Variants in CPAP observed in about 807,000 individuals in gnomAD.
CPAP encodes the protein centrosome assembly and centriole elongation protein.
At chr13:24,898,390 T>C in the CPAP span, among the ~76,000 whole-genome samples, 2 of 152,130 alleles carry the variant, frequency 1.3e-5, no homozygotes, top group African/African-American at 4.8e-5. Context: ...TCTTGCTACT[T>C]TTATGTATTT....
the CPAP span, among the ~76,000 whole-genome samples, chr13:24,910,750 A>T: frequency 6.6e-6 from 1 of 152,250 alleles, no homozygotes; most frequent in Non-Finnish European, 1.5e-5. Context: ...TCTACCTTTA[A>T]AAGTATCACA....
At chr13:24,918,807 G>A in the CPAP span, among the ~76,000 whole-genome samples, 1 of 151,798 alleles carries the variant, frequency 6.6e-6, no homozygotes, top group East Asian at 1.9e-4. Context: ...CTAGGCTTAG[G>A]AAGAGAAAGG....
the CPAP span, chr13:24,909,935 C>T: frequency 1.2e-6 from 2 of 1,614,020 alleles, no homozygotes; most frequent in African/African-American, 2.7e-5. Flanking sequence ...AGTTGCTTTG[C>T]TCATGGGATA....
chr13:24,897,336 C>T, the CPAP span, among the ~76,000 whole-genome samples: 12 of 152,326 alleles, frequency 7.9e-5, no homozygotes, highest in Non-Finnish European at 1.5e-4. Flanking sequence ...TCAAAATTCA[C>T]TTGTAGGAAT....
chr13:24,916,578 C>G, the CPAP span, among the ~76,000 whole-genome samples: 1 of 151,974 alleles, frequency 6.6e-6, no homozygotes, highest in Non-Finnish European at 1.5e-5. Flanking sequence ...CTCTTTTTTG[C>G]TTTTGTTTGT....
At chr13:24,923,771 T>G in the CPAP span, among the ~76,000 whole-genome samples, 2 of 152,090 alleles carry the variant, frequency 1.3e-5, no homozygotes, top group African/African-American at 4.8e-5. Flanking sequence ...TCAAAAAGAG[T>G]CTACTTCTCT....
the CPAP span, chr13:24,909,787 C>A: frequency 6.2e-7 from 1 of 1,609,796 alleles, no homozygotes; most frequent in Non-Finnish European, 8.5e-7. Flanking sequence ...ATAAGTAGCT[C>A]ACCTGTAGGA....
At chr13:24,915,606 C>A in the CPAP span, among the ~76,000 whole-genome samples, 3 of 152,280 alleles carry the variant, frequency 2.0e-5, no homozygotes, top group South Asian at 6.2e-4. Flanking sequence ...GAGTTCGAGA[C>A]CAGTCTGGCC....
chr13:24,900,813 T>C, the CPAP span, among the ~76,000 whole-genome samples: 1 of 151,980 alleles, frequency 6.6e-6, no homozygotes, highest in South Asian at 2.1e-4. Context: ...TCTGAGGCAG[T>C]GAAGCAGTCG....
At chr13:24,907,778 T>C in the CPAP span, among the ~76,000 whole-genome samples, 6 of 152,192 alleles carry the variant, frequency 3.9e-5, no homozygotes, top group African/African-American at 1.4e-4. Context: ...AAAATTGATT[T>C]TATCCAGATG....
chr13:24,923,471 A>G, the CPAP span, among the ~76,000 whole-genome samples: 1 of 152,186 alleles, frequency 6.6e-6, no homozygotes, highest in Non-Finnish European at 1.5e-5. Context: ...GAGTGTGTCC[A>G]TTAGATTCTG....
At chr13:24,910,244 GA>G in the CPAP span, among the ~76,000 whole-genome samples, 1 of 152,106 alleles carries the variant, frequency 6.6e-6, no homozygotes, top group Non-Finnish European at 1.5e-5. Context: ...TTGATTGTTT[GA>G]GACAGTCTCG....
the CPAP span, chr13:24,885,610 C>G: frequency 6.2e-7 from 1 of 1,605,478 alleles, no homozygotes; most frequent in Non-Finnish European, 8.5e-7. Context: ...ATTTACTTGT[C>G]CCTTATCCAA....
chr13:24,925,719 C>G, the CPAP span: 5 of 152,634 alleles, frequency 3.3e-5, no homozygotes, highest in East Asian at 9.6e-4. Context: ...TCTGAAAAGT[C>G]GGAAGCCTCT....
At chr13:24,886,159 A>ATCTC in the CPAP span, 1 of 485,120 alleles carries the variant, frequency 2.1e-6, no homozygotes, top group African/African-American at 2.0e-5. Context: ...AGTGAGGTGA[A>ATCTC]TCTCTCTCTA....
the CPAP span, chr13:24,883,465 G>C: frequency 6.5e-6 from 6 of 929,560 alleles, no homozygotes; most frequent in Admixed American, 1.4e-4. Context: ...GAGTCTGGCA[G>C]CTACTTCTGG....
the CPAP span, chr13:24,906,651 T>C: frequency 1.2e-6 from 2 of 1,614,136 alleles, no homozygotes; most frequent in South Asian, 1.1e-5. Flanking sequence ...TTCCTGTTAC[T>C]ACACTTCAGC....
chr13:24,908,208 C>T, the CPAP span: 2 of 952,088 alleles, frequency 2.1e-6, no homozygotes, highest in South Asian at 2.7e-5. Context: ...AGTTACTATG[C>T]TAAAACATTT....
At chr13:24,883,321 A>G in the CPAP span, 7 of 1,613,786 alleles carry the variant, frequency 4.3e-6, no homozygotes, top group Non-Finnish European at 5.1e-6. Flanking sequence ...ACTGGGCAGT[A>G]TGTAGTTCTC....
Sources: gnomAD v4.1 joint callset for allele counts (sites outside exome capture counted in the v4.1 genomes callset) on GRCh38, gnomAD v4.1.1 for gene constraint, MANE v1.5 for transcripts, NCBI Gene and HGNC (gene_info 2026-07-23, HGNC 2026-07-21) for gene names.